Variants in TRIM2 observed in about 807,000 individuals in gnomAD.
TRIM2 encodes tripartite motif containing 2.
A neutral mutation model predicts 75.2 loss-of-function variants in TRIM2; 20 were observed. The ratio of observed to expected loss-of-function variants is 0.27; its 90% confidence interval spans 0.19 to 0.39. TRIM2 has a LOEUF of 0.39. Ranked by LOEUF, TRIM2 falls within the 10% of genes least tolerant of loss-of-function variation. The probability of loss-of-function intolerance (pLI) is 1.00; values close to 1 mark genes in which losing one functional copy is unlikely to be tolerated. For synonymous variants in TRIM2, 373 were observed against 388.3 expected (o/e 0.96, Z 0.46); for missense variants, 660 against 990.8 (o/e 0.67, Z 4.48).
chr4:153,178,477 G>A (rs1229766413), intron 1 of TRIM2, among the ~76,000 whole-genome samples: 2 of 152,206 alleles, frequency 1.3e-5, no homozygotes, highest in Non-Finnish European at 2.9e-5. Context: ...TGTGCCTTCT[G>A]GCTGCCTCCT....
At chr4:153,244,179 T>TCTTCTC (rs1491206241) in intron 1 of TRIM2, among the ~76,000 whole-genome samples, 1 of 138,420 alleles carries the variant, frequency 7.2e-6, no homozygotes, top group Non-Finnish European at 1.6e-5. Context: ...TTCTTCTTCT[T>TCTTCTC]CTCCTCCTTC....
chr4:153,181,941 A>G (rs74964223), intron 1 of TRIM2, among the ~76,000 whole-genome samples: 5,202 of 152,242 alleles, frequency 0.034, 155 homozygotes, highest in South Asian at 0.061. Context: ...GCTTTTAGAA[A>G]TGGGTGTGTT....
chr4:153,249,747 G>T (rs895390570), intron 1 of TRIM2, among the ~76,000 whole-genome samples: 2 of 152,208 alleles, frequency 1.3e-5, no homozygotes, highest in Non-Finnish European at 2.9e-5. Context: ...AGGTAAACTG[G>T]TGAGGCAAGC....
intron 1 of TRIM2, among the ~76,000 whole-genome samples, chr4:153,187,772 G>T (rs545208714): frequency 6.6e-6 from 1 of 152,126 alleles, no homozygotes; most frequent in African/African-American, 2.4e-5. Flanking sequence ...TCAGTGACAG[G>T]CAGAAAAATG....
In TRIM2 at chr4:153,336,953, T is replaced by C; in HGVS notation, c.*1987T>C. On this transcript the variant is annotated 3_prime_UTR_variant, in exon 12 of 12. Transcript: ENST00000338700. The stretch of plus-strand genomic sequence containing the variant: ...TGTTTCCTAACATCAGTGAGATACA[T>C]CTTTGAATTTAAACATTCATATTTA... 2.0e-6 allele frequency: 2 copies of C among 984,194 alleles called. No individual in the cohort carries two copies. Among genetic ancestry groups the C allele is most frequent in the Non-Finnish European group, 2.4e-6 (2 of 828,786 alleles). The allele number at this position is 984,194 out of a possible 1,614,324, so 61.0% of individuals were successfully genotyped here.
intron 1 of TRIM2, among the ~76,000 whole-genome samples, chr4:153,166,348 AC>A (rs1730301604): frequency 6.6e-6 from 1 of 152,128 alleles, no homozygotes; most frequent in African/African-American, 2.4e-5. Context: ...AGGTTCTATA[AC>A]ACTTGATTGG....
At position 153,335,803 on chromosome 4, in the gene TRIM2, C is replaced by T. The variant is rs1200116775; in HGVS notation, c.*837C>T. ...AGAAAGTTAGTCATGTTTTATGTACCATGTTTTCACACGTGTCTCTTCTCT... is the reference window on the plus strand; with the variant it reads ...AGAAAGTTAGTCATGTTTTATGTACTATGTTTTCACACGTGTCTCTTCTCT... On this transcript the variant is annotated 3_prime_UTR_variant, in exon 12 of 12. Transcript: ENST00000338700. 8.1e-6 allele frequency: 8 copies of T among 985,674 alleles called. No individual in the cohort carries two copies. Among genetic ancestry groups the T allele is most frequent in the Non-Finnish European group, 9.6e-6 (8 of 829,926 alleles). The allele number at this position is 985,674 out of a possible 1,614,324, so 61.1% of individuals were successfully genotyped here.
At chr4:153,202,621 C>T (rs1328244093), upstream of TRIM2, among the ~76,000 whole-genome samples, 1 of 151,594 alleles carries the variant, frequency 6.6e-6, no homozygotes, top group African/African-American at 2.4e-5. Context: ...ATGGCCTGAA[C>T]CCGAGAGGCG....
intron 1 of TRIM2, among the ~76,000 whole-genome samples, chr4:153,237,080 C>T (rs1280728677): frequency 2.0e-5 from 3 of 152,102 alleles, no homozygotes; most frequent in Non-Finnish European, 4.4e-5. Flanking sequence ...TTTGAGGAAA[C>T]AAATAGAATT....
chr4:153,227,944 A>C (rs990641303), intron 1 of TRIM2, among the ~76,000 whole-genome samples: 16 of 152,206 alleles, frequency 1.1e-4, no homozygotes, highest in Non-Finnish European at 7.3e-5. Context: ...ATTGTTCAGC[A>C]TATGTCCAGG....
chr4:153,337,110 G>C lies in TRIM2; in HGVS notation c.*2144G>C, dbSNP rs927333319. 1 of 985,256 alleles carries C rather than the reference G, an allele frequency of 1.0e-6. No individual in the cohort carries two copies. Among genetic ancestry groups the C allele is most frequent in the African/African-American group, 1.7e-5 (1 of 57,224 alleles). The allele number at this position is 985,256 out of a possible 1,614,324, so 61.0% of individuals were successfully genotyped here. ...GAATTTCATTTTGCCACGTACTAAC[G>C]TTCTGCACAAAAGACAGGCTAGACT... On this transcript the variant is annotated 3_prime_UTR_variant, in exon 12 of 12. Coordinates refer to ENST00000338700, the MANE Select transcript of TRIM2 (RefSeq NM_015271.5).
intron 1 of TRIM2, among the ~76,000 whole-genome samples, chr4:153,232,225 A>C (rs1410060337): frequency 1.3e-5 from 2 of 152,200 alleles, no homozygotes; most frequent in Non-Finnish European, 1.5e-5. Context: ...TTAAAGAGTC[A>C]TGAGTAGCCA....
chr4:153,189,910 G>C (rs1395958714), intron 1 of TRIM2, among the ~76,000 whole-genome samples: 1 of 152,174 alleles, frequency 6.6e-6, no homozygotes, highest in Non-Finnish European at 1.5e-5. Context: ...AGAGAATGAT[G>C]GTATGAGGCA....
intron 1 of TRIM2, among the ~76,000 whole-genome samples, chr4:153,231,668 C>T (rs1390286517): frequency 6.6e-6 from 1 of 152,120 alleles, no homozygotes; most frequent in Non-Finnish European, 1.5e-5. Context: ...TAAAGGGTGG[C>T]GGCATGAGGG....
chr4:153,217,434 A>G (rs2149735830), intron 1 of TRIM2, among the ~76,000 whole-genome samples: 1 of 152,354 alleles, frequency 6.6e-6, no homozygotes, highest in African/African-American at 2.4e-5. Flanking sequence ...CAGCAGGAAC[A>G]GACACTTCAA....
intron 1 of TRIM2, among the ~76,000 whole-genome samples, chr4:153,176,833 A>T (rs999741285): frequency 3.9e-5 from 6 of 151,930 alleles, no homozygotes; most frequent in Non-Finnish European, 8.8e-5. Context: ...CTGGTCTCGA[A>T]CTCCTGACCT....
intron 1 of TRIM2, among the ~76,000 whole-genome samples, chr4:153,244,437 T>TCTTCTTCTTCTTCTTC (rs1206105496): frequency 1.0e-3 from 104 of 102,554 alleles, no homozygotes; most frequent in Middle Eastern, 4.9e-3. Context: ...TTCTTCTTCT[T>TCTTCTTCTTCTTCTTC]TTAATTAGAG....
At chr4:153,162,845 G>C (rs567262953) in intron 1 of TRIM2, among the ~76,000 whole-genome samples, 1 of 152,278 alleles carries the variant, frequency 6.6e-6, no homozygotes, top group East Asian at 1.9e-4. Context: ...GATGCCACCT[G>C]AGGGGAATTC....
intron 1 of TRIM2, among the ~76,000 whole-genome samples, chr4:153,224,393 C>T (rs926948859): frequency 2.6e-5 from 4 of 152,192 alleles, no homozygotes; most frequent in Admixed American, 1.3e-4. Flanking sequence ...GAAAAGTCTT[C>T]TAGGTGAGGT....
Sources: allele counts gnomAD v4.1 joint callset (sites outside exome capture counted in the v4.1 genomes callset), GRCh38; gene constraint gnomAD v4.1.1; transcripts MANE v1.5; gene names NCBI Gene and HGNC (gene_info 2026-07-23, HGNC 2026-07-21).